PAPPA2: variants seen among roughly 807,000 people sequenced by gnomAD.
PAPPA2 encodes the protein pappalysin 2.
PAPPA2 carries 86 observed loss-of-function variants against 176.4 expected under a neutral mutation model. That is an observed-to-expected ratio of 0.49 (90% CI 0.41 to 0.58). PAPPA2 has a LOEUF of 0.58. Ranked by LOEUF, PAPPA2 falls within the 20% of genes least tolerant of loss-of-function variation. The pLI is 0.00. For synonymous variants in PAPPA2, 809 were observed against 852.2 expected, an observed-to-expected ratio of 0.95 and a Z score of 0.88; for missense variants, 2,073 against 2,256.9, an observed-to-expected ratio of 0.92 and a Z score of 1.65.
At chr1:176,713,714 G>A (rs772668579) in intron 12 of PAPPA2, among the ~76,000 whole-genome samples, 1 of 152,084 alleles carries the variant, frequency 6.6e-6, no homozygotes, top group Admixed American at 6.6e-5. Flanking sequence ...AGAGGTGGGC[G>A]TGTGAGATTA....
intron 3 of PAPPA2, among the ~76,000 whole-genome samples, chr1:176,624,337 G>A (rs953186509): frequency 5.9e-5 from 9 of 152,118 alleles, no homozygotes; most frequent in Admixed American, 3.9e-4. Flanking sequence ...GTAGTACTAC[G>A]GGGGTTCAGA....
Position 176,488,185 on chromosome 1 carries a change from T to G in PAPPA2, c.-917+24767T>G, listed in dbSNP as rs1157395313. 2.6e-5 allele frequency among the ~76,000 whole-genome samples: 4 copies of G among 152,320 alleles called. No homozygotes were observed. The East Asian group carries it at 7.7e-4, about 29-fold the overall frequency. ...TTTTGTAGGCATCTTCCCTTGTTTT[T>G]ATTTTTTATTTTTTTTAAATAAGAG... On this transcript the variant is annotated intron_variant, in intron 1 of 22. Transcript: ENST00000367662.
At chr1:176,809,746 G>T (rs1456572806) in intron 21 of PAPPA2, among the ~76,000 whole-genome samples, 1 of 152,116 alleles carries the variant, frequency 6.6e-6, no homozygotes, top group African/African-American at 2.4e-5. Flanking sequence ...TAATTGAGGG[G>T]ATGTACTTCA....
At chr1:176,567,275 C>T (rs1306577126) in intron 2 of PAPPA2, among the ~76,000 whole-genome samples, 1 of 152,188 alleles carries the variant, frequency 6.6e-6, no homozygotes, top group African/African-American at 2.4e-5. Context: ...AAAAGTGGTT[C>T]TGCCCAAATA....
Position 176,556,823 on chromosome 1 carries a change from C to T in PAPPA2, c.501C>T (p.Ala167=). ...AGGCCGGGATTCAGAAAGGCTCAGC[C>T]ATGGCTGCCACTACTACCACCGCCA... ...LGEAGIQKGS[A]MAATTTTAIF... Residue 167 remains alanine (A), a synonymous_variant, in exon 2 of 23, where the codon GCC becomes GCT. Transcript: ENST00000367662. The T allele has an allele frequency of 6.2e-7, 1 of 1,614,084 alleles. No homozygotes were observed. Among genetic ancestry groups the T allele is most frequent in the East Asian group, 2.2e-5 (1 of 44,856 alleles).
intron 14 of PAPPA2, among the ~76,000 whole-genome samples, chr1:176,761,976 G>A (rs775390338): frequency 5.3e-5 from 8 of 152,150 alleles, no homozygotes; most frequent in African/African-American, 7.2e-5. Context: ...AGAATGTACC[G>A]GGAGGGTGGG....
intron 21 of PAPPA2, among the ~76,000 whole-genome samples, chr1:176,827,073 T>A (rs1241707547): frequency 1.3e-5 from 2 of 152,226 alleles, no homozygotes; most frequent in African/African-American, 4.8e-5. Flanking sequence ...TTTCAAGTGG[T>A]CCTGATGACT....
intron 2 of PAPPA2, among the ~76,000 whole-genome samples, chr1:176,570,398 T>C (rs1652250795): frequency 6.6e-6 from 1 of 152,232 alleles, no homozygotes; most frequent in African/African-American, 2.4e-5. Flanking sequence ...ATTCAGCTGA[T>C]GCTTCTTGAG....
At chr1:176,499,879 G>A (rs1322624887) in intron 1 of PAPPA2, among the ~76,000 whole-genome samples, 1 of 152,116 alleles carries the variant, frequency 6.6e-6, no homozygotes, top group Non-Finnish European at 1.5e-5. Flanking sequence ...CTGAACAAAG[G>A]CTTGCAACAT....
At chr1:176,806,961 A>C (rs1665933748) in intron 21 of PAPPA2, among the ~76,000 whole-genome samples, 1 of 152,138 alleles carries the variant, frequency 6.6e-6, no homozygotes, top group South Asian at 2.1e-4. Flanking sequence ...GAAATCTGTT[A>C]GTACTTCCTT....
chr1:176,773,901 T>A (rs1221153986), intron 17 of PAPPA2, among the ~76,000 whole-genome samples: 1 of 152,150 alleles, frequency 6.6e-6, no homozygotes, highest in Non-Finnish European at 1.5e-5. Context: ...TCCAGCTTTG[T>A]CTCATTCTAC....
intron 12 of PAPPA2, among the ~76,000 whole-genome samples, chr1:176,732,332 G>A (rs898809578): frequency 8.5e-5 from 13 of 152,164 alleles, no homozygotes; most frequent in African/African-American, 3.1e-4. Context: ...GACCAGTAAT[G>A]TAAGCCTTGT....
intron 3 of PAPPA2, among the ~76,000 whole-genome samples, chr1:176,600,675 CAAAAAA>C (rs749068016): frequency 2.5e-5 from 2 of 80,870 alleles, no homozygotes; most frequent in African/African-American, 4.7e-5. Flanking sequence ...GACTCCGTCT[CAAAAAA>C]AAAAAAAAAA....
In PAPPA2 at chr1:176,710,031, C is replaced by A. The variant is rs202008676; in HGVS notation, c.3506C>A (p.Pro1169His). ...YMYEGDGICEPFERKTSIVDC... is the reference protein window; with the variant it reads ...YMYEGDGICEHFERKTSIVDC... ...TATGAGGGAGATGGCATATGTGAAC[C>A]TTTTGAGAGAAAAACCAGCATTGTA... is the stretch of plus-strand genomic sequence containing the variant. The change falls in exon 11 of 23, where the codon CCT becomes CAT. Residue 1169 changes from proline to histidine, a missense_variant. Physicochemically the swap from Pro to His is moderately conservative, Grantham distance 77 (BLOSUM62 -2). Around this residue, in one of 4 missense-constraint regions of PAPPA2, gnomAD observed 846 missense variants for 857.9 expected, o/e 0.99. Transcript: ENST00000367662. 2.0e-5 allele frequency: 33 copies of A among 1,613,388 alleles called. No individual in the cohort carries two copies. The highest frequency in any genetic ancestry group is 2.7e-5 in the Non-Finnish European group (32 of 1,179,616).
intron 2 of PAPPA2, among the ~76,000 whole-genome samples, chr1:176,584,799 A>C (rs1417257519): frequency 6.6e-6 from 1 of 152,118 alleles, no homozygotes; most frequent in African/African-American, 2.4e-5. Context: ...CAGGGGTGCC[A>C]TCTCGGCGCA....
intron 14 of PAPPA2, among the ~76,000 whole-genome samples, chr1:176,744,542 C>T (rs1216459623): frequency 6.6e-6 from 1 of 152,152 alleles, no homozygotes; most frequent in Non-Finnish European, 1.5e-5. Flanking sequence ...CCACACCCCA[C>T]CCTACCTCAC....
chr1:176,673,410 A>T (rs1659115212), intron 4 of PAPPA2, among the ~76,000 whole-genome samples: 1 of 152,158 alleles, frequency 6.6e-6, no homozygotes, highest in Admixed American at 6.6e-5. Flanking sequence ...CACTGTAAGA[A>T]AATATCTCCA....
chr1:176,721,223 G>C (rs967638294), intron 12 of PAPPA2, among the ~76,000 whole-genome samples: 1 of 152,156 alleles, frequency 6.6e-6, no homozygotes, highest in Non-Finnish European at 1.5e-5. Flanking sequence ...GTTGCAATAC[G>C]CATTCTAACT....
intron 12 of PAPPA2, among the ~76,000 whole-genome samples, chr1:176,720,195 TA>T (rs1312586928): frequency 1.2e-4 from 19 of 152,286 alleles, no homozygotes; most frequent in Non-Finnish European, 1.2e-4. Flanking sequence ...TTGTATCTTT[TA>T]GGTGAATTAT....
Sources: gnomAD v4.1 joint callset for allele counts (sites outside exome capture counted in the v4.1 genomes callset) on GRCh38, gnomAD v4.1.1 for gene constraint, gnomAD v4.1.1 regional missense constraint, MANE v1.5 for transcripts, NCBI Gene and HGNC (gene_info 2026-07-23, HGNC 2026-07-21) for gene names.